Variants in ENDOD1 observed in about 807,000 individuals in gnomAD.
ENDOD1 encodes endonuclease domain-containing 1 protein.
Under a neutral mutation model 6.5 loss-of-function variants are expected in ENDOD1, and 9 were observed. That is an observed-to-expected ratio of 1.39 (90% CI 0.84 to 2.43). The LOEUF is 2.43. Among genes scored for constraint, ENDOD1 ranks in the 30% most tolerant of loss-of-function variants. The pLI is 0.00. For missense variants in ENDOD1, 648 were observed against 635.5 expected, an observed-to-expected ratio of 1.02 and a Z score of -0.21; for synonymous variants, 255 against 255.2, an observed-to-expected ratio of 1.00 and a Z score of 0.01.
intron 1 of ENDOD1, among the ~76,000 whole-genome samples, chr11:95,114,075 A>C (rs1859177605): frequency 6.6e-6 from 1 of 152,124 alleles, no homozygotes; most frequent in Non-Finnish European, 1.5e-5. Flanking sequence ...TCTTCTTTTG[A>C]GAAATGTCTA....
At chr11:95,128,314 A>T in intron 1 of ENDOD1, 63 bp from the exon 2 acceptor site, 1 of 1,553,670 alleles carries the variant, frequency 6.4e-7, no homozygotes. Context: ...GGGCAGGATG[A>T]TTCTAGTGCT....
intron 1 of ENDOD1, among the ~76,000 whole-genome samples, chr11:95,115,294 C>T (rs185024097): frequency 2.1e-3 from 322 of 151,004 alleles, no homozygotes; most frequent in Non-Finnish European, 3.6e-3. Context: ...TCTGATTATT[C>T]GCTGTTGATA....
chr11:95,113,340 ATTCT>A (rs1164988760), intron 1 of ENDOD1, among the ~76,000 whole-genome samples: 1 of 151,910 alleles, frequency 6.6e-6, no homozygotes, highest in Admixed American at 6.6e-5. Flanking sequence ...CTTATTTATT[ATTCT>A]TTCTTTCTAT....
intron 1 of ENDOD1, among the ~76,000 whole-genome samples, chr11:95,116,749 C>G (rs1276756034): frequency 6.6e-6 from 1 of 152,094 alleles, no homozygotes; most frequent in Admixed American, 6.5e-5. Context: ...GTCATTGACC[C>G]ACTGGTCATT....
chr11:95,101,096 A>G (rs1463589327), intron 1 of ENDOD1, among the ~76,000 whole-genome samples: 2 of 152,118 alleles, frequency 1.3e-5, no homozygotes, highest in Non-Finnish European at 2.9e-5. Context: ...AAAGACAGCA[A>G]ACTTGTTCTG....
At chr11:95,112,175 C>G (rs1555112004) in intron 1 of ENDOD1, among the ~76,000 whole-genome samples, 1 of 152,216 alleles carries the variant, frequency 6.6e-6, no homozygotes, top group Admixed American at 6.5e-5. Context: ...TTTCTCCTCC[C>G]TTGACTTTTG....
intron 1 of ENDOD1, among the ~76,000 whole-genome samples, chr11:95,096,551 A>G (rs184275476): frequency 3.3e-5 from 5 of 152,284 alleles, no homozygotes; most frequent in Admixed American, 1.3e-4. Context: ...ATACGGGTAC[A>G]TTTTACTTTG....
At chr11:95,109,948 G>A (rs1180825188) in intron 1 of ENDOD1, among the ~76,000 whole-genome samples, 2 of 152,266 alleles carry the variant, frequency 1.3e-5, no homozygotes, top group African/African-American at 4.8e-5. Context: ...ACCTAGGCCA[G>A]TTCTTTTTCT....
At position 95,129,052 on chromosome 11, in the gene ENDOD1, A is replaced by G. The variant is rs376163495; in HGVS notation, c.976A>G (p.Ser326Gly). The change falls in exon 2 of 2, where the codon AGC becomes GGC. Residue 326 changes from serine (S) to glycine (G), a missense_variant. Ser to Gly is a moderately conservative substitution (Grantham distance 56). Coordinates refer to ENST00000278505, the MANE Select transcript of ENDOD1 (RefSeq NM_015036.3). Reference sequence around the variant, plus strand: ...TCCAGAGGCATCTGAGGGAAGTAGTAGCTTTTTGGGAAAACTCATGGGCTT... The same window carrying G: ...TCCAGAGGCATCTGAGGGAAGTAGTGGCTTTTTGGGAAAACTCATGGGCTT... The part of the protein sequence containing the change: ...LPPEASEGSS[S>G]FLGKLMGFIA... 5.6e-6 allele frequency: 9 copies of G among 1,613,880 alleles called. No homozygotes were observed. Among genetic ancestry groups the G allele is most frequent in the Non-Finnish European group, 7.6e-6 (9 of 1,180,036 alleles).
chr11:95,105,881 G>C (rs782577517), intron 1 of ENDOD1, among the ~76,000 whole-genome samples: 3 of 152,184 alleles, frequency 2.0e-5, no homozygotes, highest in Non-Finnish European at 4.4e-5. Flanking sequence ...CAGTTATGGG[G>C]ATGCACCTAG....
At chr11:95,127,445 G>T (rs1353549065) in intron 1 of ENDOD1, among the ~76,000 whole-genome samples, 1 of 152,172 alleles carries the variant, frequency 6.6e-6, no homozygotes, top group African/African-American at 2.4e-5. Flanking sequence ...AGTTCAAACA[G>T]CAACTGGTCT....
intron 1 of ENDOD1, among the ~76,000 whole-genome samples, chr11:95,110,158 G>A (rs1177169278): frequency 4.6e-5 from 7 of 152,194 alleles, no homozygotes; most frequent in Non-Finnish European, 1.0e-4. Context: ...TTTTCCCTAT[G>A]CTCTTGGCCC....
chr11:95,127,072 G>A (rs1859319081), intron 1 of ENDOD1, among the ~76,000 whole-genome samples: 4 of 152,142 alleles, frequency 2.6e-5, no homozygotes, highest in Non-Finnish European at 5.9e-5. Flanking sequence ...AATGTGGGAT[G>A]GTTCCACTTG....
At chr11:95,118,283 C>T (rs1467004091) in intron 1 of ENDOD1, among the ~76,000 whole-genome samples, 21 of 152,196 alleles carry the variant, frequency 1.4e-4, no homozygotes, top group African/African-American at 5.1e-4. Context: ...TTACTTATTG[C>T]TCATTAACAT....
intron 1 of ENDOD1, 112 bp downstream of exon 1, chr11:95,090,339 C>T: frequency 1.5e-6 from 2 of 1,295,356 alleles, no homozygotes; most frequent in Non-Finnish European, 9.9e-7. Context: ...ATCCCTACGC[C>T]TTCGGTGCCT....
chr11:95,111,875 T>G (rs1555111975), intron 1 of ENDOD1, among the ~76,000 whole-genome samples: 1 of 152,166 alleles, frequency 6.6e-6, no homozygotes, highest in Non-Finnish European at 1.5e-5. Context: ...CCTCCCAGTG[T>G]TCCCTTTACC....
Position 95,128,469 on chromosome 11 carries a change from T to C in ENDOD1, c.393T>C (p.Asn131=). ...GCCTGGGAAGCAAGCAAGCCTTGAA[T>C]ACAGATTACCTTGATTCTGATTACC... ...VNSLGSKQAL[N]TDYLDSDYQR... Residue 131 remains asparagine (N), a synonymous_variant, in exon 2 of 2, where the codon AAT becomes AAC. Coordinates refer to ENST00000278505, the MANE Select transcript of ENDOD1 (RefSeq NM_015036.3). 6.2e-7 allele frequency: 1 copy of C among 1,614,234 alleles called. No individual in the cohort carries two copies. Among genetic ancestry groups the C allele is most frequent in the Non-Finnish European group, 8.5e-7 (1 of 1,180,042 alleles).
At chr11:95,099,674 C>T (rs571513460) in intron 1 of ENDOD1, among the ~76,000 whole-genome samples, 2 of 152,336 alleles carry the variant, frequency 1.3e-5, no homozygotes, top group East Asian at 3.9e-4. Flanking sequence ...CCTCCTTGAA[C>T]GTGCCAAAAT....
intron 1 of ENDOD1, among the ~76,000 whole-genome samples, chr11:95,114,578 C>A (rs568553485): frequency 6.6e-6 from 1 of 152,264 alleles, no homozygotes; most frequent in African/African-American, 2.4e-5. Flanking sequence ...TTGCCCAGAG[C>A]AGTGTCCTAT....
Sources: gnomAD v4.1 joint callset for allele counts (sites outside exome capture counted in the v4.1 genomes callset) on GRCh38, gnomAD v4.1.1 for gene constraint, MANE v1.5 for transcripts, NCBI Gene and HGNC (gene_info 2026-07-23, HGNC 2026-07-21) for gene names.